CFAP299: variants seen among roughly 807,000 people sequenced by gnomAD.
CFAP299 encodes cilia and flagella associated protein 299.
CFAP299 carries 21 observed loss-of-function variants against 27.0 expected under a neutral mutation model. That is an observed-to-expected ratio of 0.78 (90% CI 0.55 to 1.12). CFAP299 has a LOEUF of 1.12. CFAP299 is among the 50% of genes most tolerant of loss of function. The pLI, the probability that CFAP299 is intolerant of heterozygous loss-of-function variation, is 0.00. For synonymous variants in CFAP299, 104 were observed against 98.1 expected, an observed-to-expected ratio of 1.06 and a Z score of -0.36; for missense variants, 310 against 276.6, an observed-to-expected ratio of 1.12 and a Z score of -0.86.
At chr4:80,602,915 G>T (rs937021507) in intron 3 of CFAP299, among the ~76,000 whole-genome samples, 1 of 152,130 alleles carries the variant, frequency 6.6e-6, no homozygotes, top group Non-Finnish European at 1.5e-5. Context: ...TGAAGAATGG[G>T]GATAGGGTGT....
intron 2 of CFAP299, among the ~76,000 whole-genome samples, chr4:80,564,996 TTGA>T (rs762728965): frequency 1.3e-5 from 2 of 151,992 alleles, no homozygotes; most frequent in African/African-American, 2.4e-5. Context: ...ACACTGATTG[TTGA>T]TAAGGATGTA....
chr4:80,465,276 A>G lies in CFAP299; in HGVS notation c.242+102392A>G, dbSNP rs139199139. 5.1e-3 allele frequency among the ~76,000 whole-genome samples: 772 copies of G among 152,358 alleles called. 4 individuals are homozygous for G. Among genetic ancestry groups the G allele is most frequent in the Middle Eastern group, 0.017 (5 of 294 alleles). ...CTCAATTAAAAATGCTAGAAAACTC[A>G]TAAGTAAACAAATCAAATAAAAACT... On this transcript the variant is annotated intron_variant, in intron 2 of 5. Transcript: ENST00000358105.
rs531789233 is a variant in CFAP299 at position 80,885,766 on chromosome 4, C to G, written c.476+15631C>G. ...CTTGGGCACTGAGAAGTTCTGACTT[C>G]AGGGGTGACCCAACACATTCCCAGC... is the stretch of plus-strand genomic sequence containing the variant. On this transcript the variant is annotated intron_variant, in intron 4 of 5. Transcript: ENST00000358105. Among the ~76,000 whole-genome samples the G allele has an allele frequency of 2.6e-5, 4 of 152,296 alleles. No individual in the cohort carries two copies. In the South Asian group the frequency reaches 8.3e-4, roughly 32 times the overall value.
intron 3 of CFAP299, among the ~76,000 whole-genome samples, chr4:80,727,292 T>C (rs982337687): frequency 5.3e-5 from 8 of 152,070 alleles, no homozygotes; most frequent in African/African-American, 1.9e-4. Context: ...TTACTATTTA[T>C]ATAATGGTAA....
At chr4:80,624,111 C>T (rs1456086678) in intron 3 of CFAP299, among the ~76,000 whole-genome samples, 3 of 151,976 alleles carry the variant, frequency 2.0e-5, no homozygotes, top group Non-Finnish European at 2.9e-5. Context: ...ACAATCAGGA[C>T]AACATGACAT....
At chr4:80,674,597 G>A (rs913709319) in intron 3 of CFAP299, among the ~76,000 whole-genome samples, 4 of 152,096 alleles carry the variant, frequency 2.6e-5, no homozygotes, top group African/African-American at 9.7e-5. Context: ...AGTTCTCCTG[G>A]ATAATATCCT....
At chr4:80,470,245 T>C (rs538315478) in intron 2 of CFAP299, among the ~76,000 whole-genome samples, 210 of 152,312 alleles carry the variant, frequency 1.4e-3, no homozygotes, top group African/African-American at 4.7e-3. Flanking sequence ...GTAAAAATGC[T>C]TGGTAAACAC....
At chr4:80,349,536 T>G (rs1263330359) in intron 1 of CFAP299, among the ~76,000 whole-genome samples, 1 of 152,206 alleles carries the variant, frequency 6.6e-6, no homozygotes, top group Non-Finnish European at 1.5e-5. Context: ...TGAAGACTAA[T>G]TTTACTTATG....
At chr4:80,938,651 AT>A (rs1354623278) in intron 4 of CFAP299, among the ~76,000 whole-genome samples, 1 of 152,150 alleles carries the variant, frequency 6.6e-6, no homozygotes, top group Non-Finnish European at 1.5e-5. Flanking sequence ...TGTGTCTTTA[AT>A]TCCTCTAGCG....
intron 3 of CFAP299, among the ~76,000 whole-genome samples, chr4:80,629,472 C>T (rs1047295791): frequency 6.6e-6 from 1 of 151,908 alleles, no homozygotes; most frequent in Non-Finnish European, 1.5e-5. Context: ...GTTCTCACTA[C>T]AAAAATCAAA....
intron 3 of CFAP299, among the ~76,000 whole-genome samples, chr4:80,857,649 A>G (rs1732003459): frequency 6.6e-6 from 1 of 152,234 alleles, no homozygotes; most frequent in Non-Finnish European, 1.5e-5. Context: ...CCTTTTCTGC[A>G]TCTATTGAGA....
intron 5 of CFAP299, among the ~76,000 whole-genome samples, chr4:80,962,539 A>G (rs1319340425): frequency 6.6e-6 from 1 of 151,906 alleles, no homozygotes; most frequent in Non-Finnish European, 1.5e-5. Context: ...CCTAAAACTT[A>G]AAGTATAATA....
chr4:80,376,555 CTATT>C (rs1453425663), intron 2 of CFAP299, among the ~76,000 whole-genome samples: 6 of 152,222 alleles, frequency 3.9e-5, no homozygotes, highest in Admixed American at 3.9e-4. Context: ...TCCCAGTGGT[CTATT>C]TATTTAAGAA....
intron 4 of CFAP299, among the ~76,000 whole-genome samples, chr4:80,920,712 T>C (rs533575947): frequency 1.3e-5 from 2 of 152,280 alleles, no homozygotes; most frequent in South Asian, 4.1e-4. Flanking sequence ...AGTGACCACT[T>C]CCTGCAACTG....
chr4:80,780,017 C>G (rs982358050), intron 3 of CFAP299, among the ~76,000 whole-genome samples: 6 of 152,032 alleles, frequency 3.9e-5, no homozygotes, highest in African/African-American at 1.4e-4. Context: ...GCTTGTTACA[C>G]TGCTTTAGAC....
At chr4:80,436,549 G>A (rs185227642) in intron 2 of CFAP299, among the ~76,000 whole-genome samples, 21 of 152,032 alleles carry the variant, frequency 1.4e-4, no homozygotes, top group Admixed American at 1.3e-4. Context: ...TGATCCACCC[G>A]CCTTGGCCTC....
chr4:80,924,547 T>TA (rs1307185592), intron 4 of CFAP299, among the ~76,000 whole-genome samples: 1 of 147,828 alleles, frequency 6.8e-6, no homozygotes, highest in Admixed American at 6.9e-5. Flanking sequence ...TGTATATATA[T>TA]ATATATATAT....
intron 2 of CFAP299, among the ~76,000 whole-genome samples, chr4:80,400,590 A>G (rs1448860801): frequency 6.6e-6 from 1 of 152,128 alleles, no homozygotes; most frequent in African/African-American, 2.4e-5. Context: ...TTCACCTCCC[A>G]TCATGATTCT....
intron 2 of CFAP299, among the ~76,000 whole-genome samples, chr4:80,418,364 T>A (rs1335534342): frequency 1.3e-5 from 2 of 152,218 alleles, no homozygotes; most frequent in Non-Finnish European, 2.9e-5. Flanking sequence ...AAAAGTGTTA[T>A]ACATTGACAA....
Sources: allele counts gnomAD v4.1 joint callset (sites outside exome capture counted in the v4.1 genomes callset), GRCh38; gene constraint gnomAD v4.1.1; transcripts MANE v1.5; gene names NCBI Gene and HGNC (gene_info 2026-07-23, HGNC 2026-07-21).